Variants in ZNF773 observed in about 807,000 individuals in gnomAD.
ZNF773 encodes the protein zinc finger protein 419B.
In ZNF773, 11 loss-of-function variants were observed where a neutral mutation model predicts 12.8. The ratio of observed to expected loss-of-function variants is 0.86; its 90% CI spans 0.54 to 1.42. ZNF773 has a LOEUF of 1.42. Ranked by LOEUF, ZNF773 falls within the 40% of genes most tolerant of loss-of-function variation. The pLI, the probability that ZNF773 is intolerant of heterozygous loss-of-function variation, is 0.00. For synonymous variants in ZNF773, 175 were observed against 178.4 expected, an observed-to-expected ratio of 0.98 and a Z score of 0.15; for missense variants, 518 against 527.2, an observed-to-expected ratio of 0.98 and a Z score of 0.17.
At position 57,506,392 on chromosome 19, in the gene ZNF773, T is replaced by C; in HGVS notation, c.297T>C (p.Ala99=). ...SWQGAKAEAA[A]EQSASVEVPS... ...AAGGAGCCAAGGCTGAGGCAGCTGCTGAGCAGAGTGCTTCTGTAGAAGTGC... is the reference window on the plus strand; with the variant it reads ...AAGGAGCCAAGGCTGAGGCAGCTGCCGAGCAGAGTGCTTCTGTAGAAGTGC... Residue 99 remains alanine, a synonymous_variant, in exon 4 of 4, where the codon GCT becomes GCC. Coordinates refer to ENST00000282292, the MANE Select transcript of ZNF773 (RefSeq NM_198542.3). The C allele has an allele frequency of 6.2e-7, 1 of 1,613,610 alleles. No homozygotes were observed. Among genetic ancestry groups the C allele is most frequent in the African/African-American group, 1.3e-5 (1 of 75,030 alleles).
chr19:57,513,940 A>G (rs545185268), downstream of ZNF773: 9 of 152,196 alleles, frequency 5.9e-5, no homozygotes, highest in Non-Finnish European at 1.0e-4. Context: ...AGGCCTGGAT[A>G]TGCCTTCTCT....
rs2089744439 is a variant in ZNF773, at chr19:57,506,959, C to T, written c.864C>T (p.Ser288=). Residue 288 remains serine (S), a synonymous_variant, in exon 4 of 4, where the codon TCC becomes TCT. Coordinates refer to ENST00000282292, the MANE Select transcript of ZNF773 (RefSeq NM_198542.3). Reference sequence around the variant, plus strand: ...GTGGAAAAGCTTTCAGGCATAATTCCACACTTGTTCAGCATCACAGAATCC... The same window carrying T: ...GTGGAAAAGCTTTCAGGCATAATTCTACACTTGTTCAGCATCACAGAATCC... The part of the protein sequence containing the change: ...SECGKAFRHN[S]TLVQHHRIHT... 3 of 1,614,018 alleles carry T rather than the reference C, an allele frequency of 1.9e-6. No individual in the cohort carries two copies. Among genetic ancestry groups the T allele is most frequent in the Non-Finnish European group, 2.5e-6 (3 of 1,180,010 alleles).
chr19:57,500,404 C>T (rs922586873), intron 1 of ZNF773, among the ~76,000 whole-genome samples: 22 of 151,842 alleles, frequency 1.4e-4, no homozygotes, highest in Non-Finnish European at 2.8e-4. Flanking sequence ...CTGAGGGGGC[C>T]ACAGTGGCCG....
chr19:57,501,283 T>TTC (rs1555791072), intron 1 of ZNF773, among the ~76,000 whole-genome samples: 1 of 147,174 alleles, frequency 6.8e-6, no homozygotes, highest in African/African-American at 2.5e-5. Flanking sequence ...TTTTCTTTCT[T>TTC]TTTTTTTTTT....
downstream of ZNF773, among the ~76,000 whole-genome samples, chr19:57,508,820 C>T (rs1348129035): frequency 2.7e-5 from 4 of 148,030 alleles, no homozygotes; most frequent in African/African-American, 8.0e-5. Context: ...ATTCGTCACA[C>T]GTATATCTTC....
chr19:57,499,961 G>GA lies in ZNF773; in HGVS notation c.-117dup. ...TTGTTCGCTGCGGCGACCAGCTCCGGAAAGCGCGGTGGGGACGCGCTGTGT... is the reference window on the plus strand; with the variant it reads ...TTGTTCGCTGCGGCGACCAGCTCCGGAAAAGCGCGGTGGGGACGCGCTGTGT... On this transcript the variant is annotated 5_prime_UTR_variant, in exon 1 of 4. Coordinates refer to ENST00000282292, the MANE Select transcript of ZNF773 (RefSeq NM_198542.3). The GA allele has an allele frequency of 7.4e-7, 1 of 1,354,932 alleles. No homozygotes were observed. The highest frequency in any genetic ancestry group is 2.6e-5 in the Admixed American group (1 of 39,124). The allele number at this position is 1,354,932 out of a possible 1,614,324, so 83.9% of individuals were successfully genotyped here. A position where few individuals can be genotyped will look rare whatever the true frequency, so the allele number is the denominator to read the frequency against.
At chr19:57,512,516 G>C (rs1314961439), downstream of ZNF773, among the ~76,000 whole-genome samples, 1 of 147,600 alleles carries the variant, frequency 6.8e-6, no homozygotes, top group Non-Finnish European at 1.5e-5. Flanking sequence ...TGATTCTCCT[G>C]TCTCAGTCTC....
downstream of ZNF773, among the ~76,000 whole-genome samples, chr19:57,511,730 CACACACAT>C (rs898723311): frequency 2.1e-5 from 3 of 143,564 alleles, no homozygotes; most frequent in East Asian, 2.0e-4. Context: ...CACACACACA[CACACACAT>C]ACACACATAC....
intron 1 of ZNF773, among the ~76,000 whole-genome samples, chr19:57,504,380 G>A (rs1225405259): frequency 2.0e-5 from 3 of 152,154 alleles, no homozygotes; most frequent in Non-Finnish European, 4.4e-5. Flanking sequence ...GATTGTATTT[G>A]GGAAACACAA....
intron 1 of ZNF773, among the ~76,000 whole-genome samples, chr19:57,501,078 C>T (rs2123242246): frequency 6.6e-6 from 1 of 152,180 alleles, no homozygotes; most frequent in East Asian, 1.9e-4. Context: ...TTCCTCATGT[C>T]CAGTCCATAT....
downstream of ZNF773, chr19:57,508,378 A>G (rs1600154342): frequency 2.9e-6 from 2 of 683,732 alleles, no homozygotes; most frequent in Non-Finnish European, 4.6e-6. Context: ...GAGTTGGGGG[A>G]GGAAAGGAGT....
chr19:57,504,977 T>G (rs1254255270), intron 2 of ZNF773, 191 bp downstream of exon 2: 2 of 1,063,918 alleles, frequency 1.9e-6, no homozygotes, highest in Non-Finnish European at 2.8e-6. Context: ...GCCCCACAGC[T>G]GTGCAGGAAA....
chr19:57,508,793 C>CTTTTTTTTTT (rs1182511503), downstream of ZNF773, among the ~76,000 whole-genome samples: 1 of 151,838 alleles, frequency 6.6e-6, no homozygotes, highest in African/African-American at 2.4e-5. Context: ...CAGTTTTGAG[C>CTTTTTTTTTT]ATTTTTAAAT....
At chr19:57,505,459 A>AG in intron 3 of ZNF773, 59 bp downstream of exon 3, 2 of 1,577,396 alleles carry the variant, frequency 1.3e-6, no homozygotes, top group Non-Finnish European at 1.7e-6. Flanking sequence ...GTATCATACC[A>AG]GGAGTCTTTC....
chr19:57,504,413 G>T (rs558983830), intron 1 of ZNF773, among the ~76,000 whole-genome samples: 22 of 152,262 alleles, frequency 1.4e-4, no homozygotes, highest in African/African-American at 5.1e-4. Context: ...AAGGTGAGTT[G>T]TCTGGCAAGA....
At chr19:57,511,328 G>C (rs946726840), downstream of ZNF773, among the ~76,000 whole-genome samples, 2 of 152,158 alleles carry the variant, frequency 1.3e-5, no homozygotes, top group African/African-American at 4.8e-5. Flanking sequence ...TGGGATTACA[G>C]GCGTGAGCCA....
rs936818432 is a variant in ZNF773 at position 57,504,940 on chromosome 19, T to C, written c.163+154T>C. On this transcript the variant is annotated intron_variant, in intron 2 of 3. Coordinates refer to ENST00000282292, the MANE Select transcript of ZNF773 (RefSeq NM_198542.3). ...GCTATTGTAATAGGCCTGGGCTGTG[T>C]ATACTACCACCTTCTCTCCCTGAGC... 6 of 1,239,434 alleles carry C rather than the reference T, an allele frequency of 4.8e-6. No homozygotes were observed. In the African/African-American group the frequency reaches 6.0e-5, roughly 12 times the overall value. The allele number at this position is 1,239,434 out of a possible 1,614,324, so 76.8% of individuals were successfully genotyped here. A position where few individuals can be genotyped will look rare whatever the true frequency, so the allele number is the denominator to read the frequency against.
Position 57,507,545 on chromosome 19 carries a change from A to C in ZNF773, c.*121A>C. 6.9e-7 allele frequency: 1 copy of C among 1,458,430 alleles called. No individual in the cohort carries two copies. Among genetic ancestry groups the C allele is most frequent in the Non-Finnish European group, 9.0e-7 (1 of 1,111,724 alleles). 90.3% of individuals were successfully genotyped at this position (1,458,430 alleles called of 1,614,324 possible). On this transcript the variant is annotated 3_prime_UTR_variant, in exon 4 of 4. Transcript: ENST00000282292. ...AGCTATACCTCCAAACTCATTCAAC[A>C]CTGGACAGTTCACAGAGTGGACAAT...
At chr19:57,502,458 TTTTG>T (rs1162391462) in intron 1 of ZNF773, among the ~76,000 whole-genome samples, 2 of 152,062 alleles carry the variant, frequency 1.3e-5, no homozygotes, top group Non-Finnish European at 1.5e-5. Context: ...TTGTTTGTAT[TTTTG>T]TTTGTTTGTT....
Sources: gnomAD v4.1 joint callset for allele counts (sites outside exome capture counted in the v4.1 genomes callset) on GRCh38, gnomAD v4.1.1 for gene constraint, MANE v1.5 for transcripts, NCBI Gene and HGNC (gene_info 2026-07-23, HGNC 2026-07-21) for gene names.